The following LACTB variants were observed in gnomAD, a reference collection of about 807,000 sequenced individuals.
The protein encoded by LACTB is lactamase beta.
A neutral mutation model predicts 50.2 loss-of-function variants in LACTB; 35 were observed. The ratio of observed to expected loss-of-function variants is 0.70; its 90% CI spans 0.53 to 0.92. The LOEUF (loss-of-function observed/expected upper bound fraction) is 0.92, where lower values mean the gene tolerates loss of function less well. Ranked by LOEUF, LACTB falls within the 40% of genes least tolerant of loss-of-function variation. LACTB has a pLI of 0.00. For synonymous variants in LACTB, 252 were observed against 268.2 expected, an observed-to-expected ratio of 0.94 and a Z score of 0.59; for missense variants, 664 against 691.8, an observed-to-expected ratio of 0.96 and a Z score of 0.45.
intron 4 of LACTB, 132 bp downstream of exon 4, chr15:63,127,821 C>T (rs1026638917): frequency 7.9e-6 from 5 of 629,118 alleles, no homozygotes; most frequent in Middle Eastern, 4.4e-4. Flanking sequence ...CTGGTGCTTG[C>T]GTTTTTGTCT....
At chr15:63,136,230 A>T (rs1048437075) in intron 5 of LACTB, among the ~76,000 whole-genome samples, 5 of 151,996 alleles carry the variant, frequency 3.3e-5, no homozygotes, top group Non-Finnish European at 7.4e-5. Flanking sequence ...TTTTGTAGAG[A>T]TGAGATCTTG....
intron 5 of LACTB, 71 bp from the exon 6 acceptor site, chr15:63,141,209 C>T: frequency 6.7e-7 from 1 of 1,498,570 alleles, no homozygotes; most frequent in Non-Finnish European, 8.9e-7. Flanking sequence ...CTCATGTATA[C>T]ATTTTTCTAT....
chr15:63,135,996 A>G (rs2037172364), intron 5 of LACTB, among the ~76,000 whole-genome samples: 1 of 152,146 alleles, frequency 6.6e-6, no homozygotes, highest in African/African-American at 2.4e-5. Context: ...ACTTGCGCAA[A>G]AATCAAAATA....
At position 63,141,352 on chromosome 15, in the gene LACTB, T is replaced by C. The variant is rs763299093; in HGVS notation, c.1191T>C (p.Gly397=). The C allele has an allele frequency of 6.2e-7, 1 of 1,614,180 alleles. No individual in the cohort carries two copies. Among genetic ancestry groups the C allele is most frequent in the Admixed American group, 1.7e-5 (1 of 60,022 alleles). ...TGGATAACTCCTATAAATGGGCTGG[T>C]GGTGGATTTCTGTCTACAGTGGGTG... ...PYVDNSYKWA[G]GGFLSTVGDL... is the part of the protein sequence containing the mutation. Residue 397 remains glycine (G), a synonymous_variant, in exon 6 of 6, where the codon GGT becomes GGC. Coordinates refer to ENST00000261893, the MANE Select transcript of LACTB (RefSeq NM_032857.5).
chr15:63,141,534 G>GT lies in LACTB; in HGVS notation c.1374dup (p.Lys459Ter). ...ACAGAGATGTCTTGGGATAAAGAGGGTAAATATGCAATGGCGTGGGGTGTT... is the reference window on the plus strand; with the variant it reads ...ACAGAGATGTCTTGGGATAAAGAGGGTTAAATATGCAATGGCGTGGGGTGTT... On this transcript the variant is annotated frameshift_variant, in exon 6 of 6. Coordinates refer to ENST00000261893, the MANE Select transcript of LACTB (RefSeq NM_032857.5). LOFTEE classifies it high-confidence loss of function. The GT allele has an allele frequency of 6.2e-7, 1 of 1,614,222 alleles. No homozygotes were observed. The highest frequency in any genetic ancestry group is 1.6e-4 in the Middle Eastern group (1 of 6,062).
intron 4 of LACTB, 89 bp from the exon 5 acceptor site, chr15:63,129,396 A>G (rs2037098517): frequency 8.5e-7 from 1 of 1,174,708 alleles, no homozygotes; most frequent in East Asian, 2.8e-5. Context: ...TTTTAAAAGT[A>G]TGCCAATTTT....
At chr15:63,138,694 A>C (rs576878007) in intron 5 of LACTB, among the ~76,000 whole-genome samples, 12 of 152,268 alleles carry the variant, frequency 7.9e-5, no homozygotes, top group African/African-American at 2.9e-4. Flanking sequence ...ATGACTGAGG[A>C]GTTCTAGTTT....
At chr15:63,122,789 T>A in intron 2 of LACTB, 87 bp downstream of exon 2, 2 of 875,390 alleles carry the variant, frequency 2.3e-6, no homozygotes, top group Non-Finnish European at 3.8e-6. Context: ...CATGAAATGC[T>A]ATTGCATTTA....
intron 5 of LACTB, among the ~76,000 whole-genome samples, chr15:63,136,820 T>C (rs2037182475): frequency 6.6e-6 from 1 of 152,182 alleles, no homozygotes; most frequent in Non-Finnish European, 1.5e-5. Flanking sequence ...CCAGCTTCGT[T>C]ATGTAGTCTA....
intron 2 of LACTB, among the ~76,000 whole-genome samples, chr15:63,126,386 C>T (rs1467489264): frequency 6.6e-6 from 1 of 152,186 alleles, no homozygotes; most frequent in Non-Finnish European, 1.5e-5. Context: ...AGGTGATCTG[C>T]TCACCTTGGC....
In LACTB at chr15:63,127,665, A is replaced by T; in HGVS notation, c.928A>T (p.Asn310Tyr). ...NSIESLRLFK[N>Y]DPLFFKPGSQ... Reference sequence around the variant, plus strand: ...AATTGAATCCCTAAGATTATTTAAAAATGATCCTTTGTTCTTCAAACCTGG... The same window carrying T: ...AATTGAATCCCTAAGATTATTTAAATATGATCCTTTGTTCTTCAAACCTGG... The change falls in exon 4 of 6, where the codon AAT becomes TAT. Residue 310 changes from asparagine to tyrosine, a missense_variant. Coordinates refer to ENST00000261893, the MANE Select transcript of LACTB (RefSeq NM_032857.5). 1 of 1,596,908 alleles carries T rather than the reference A, an allele frequency of 6.3e-7. No individual in the cohort carries two copies. The highest frequency in any genetic ancestry group is 8.6e-7 in the Non-Finnish European group (1 of 1,168,482).
intron 2 of LACTB, among the ~76,000 whole-genome samples, chr15:63,126,218 C>T (rs1362052694): frequency 6.6e-6 from 1 of 152,056 alleles, no homozygotes; most frequent in African/African-American, 2.4e-5. Context: ...CTCAGCTCAC[C>T]GCAACCTCTG....
chr15:63,125,178 T>A (rs1052825094), intron 2 of LACTB, among the ~76,000 whole-genome samples: 1 of 125,124 alleles, frequency 8.0e-6, no homozygotes, highest in African/African-American at 3.0e-5. Context: ...TTTATTTATT[T>A]ATTTTTTTTT....
chr15:63,126,458 G>A (rs1226252067), intron 2 of LACTB, among the ~76,000 whole-genome samples: 1 of 152,132 alleles, frequency 6.6e-6, no homozygotes, highest in Non-Finnish European at 1.5e-5. Flanking sequence ...TACTTTTATT[G>A]AGTGGCTATT....
intron 5 of LACTB, chr15:63,129,859 A>G (rs1032185796): frequency 1.2e-5 from 6 of 512,732 alleles, no homozygotes; most frequent in African/African-American, 2.0e-5. Flanking sequence ...GATAGCAATA[A>G]TATTAATAAT....
chr15:63,139,577 C>T (rs980255972), intron 5 of LACTB, among the ~76,000 whole-genome samples: 1 of 152,098 alleles, frequency 6.6e-6, no homozygotes, highest in Non-Finnish European at 1.5e-5. Flanking sequence ...CACTTGAACC[C>T]GGGAAGTGGA....
intron 2 of LACTB, among the ~76,000 whole-genome samples, chr15:63,123,863 T>C (rs1169408254): frequency 6.6e-6 from 1 of 152,206 alleles, no homozygotes; most frequent in African/African-American, 2.4e-5. Flanking sequence ...GAAGGCGGAC[T>C]AGGAGCGTGA....
At chr15:63,128,209 C>G (rs2037080356) in intron 4 of LACTB, among the ~76,000 whole-genome samples, 1 of 152,096 alleles carries the variant, frequency 6.6e-6, no homozygotes, top group Non-Finnish European at 1.5e-5. Context: ...TACTTATATT[C>G]ATTTTTCATT....
intron 5 of LACTB, among the ~76,000 whole-genome samples, chr15:63,136,152 CTG>C (rs2037174529): frequency 6.6e-6 from 1 of 151,750 alleles, no homozygotes; most frequent in Non-Finnish European, 1.5e-5. Flanking sequence ...AGTGATCCTC[CTG>C]TATCAGCCTT....
Sources: gnomAD v4.1 joint callset for allele counts (sites outside exome capture counted in the v4.1 genomes callset) on GRCh38, gnomAD v4.1.1 for gene constraint, MANE v1.5 for transcripts, NCBI Gene and HGNC (gene_info 2026-07-23, HGNC 2026-07-21) for gene names.